Variants in TULP4 observed in about 807,000 individuals in gnomAD.
TULP4 encodes the protein tubby-related protein 4.
TULP4 carries 16 observed loss-of-function variants against 129.0 expected under a neutral mutation model. That is an observed-to-expected ratio of 0.12 (90% CI 0.08 to 0.19). The LOEUF is 0.19. Among genes scored for constraint, TULP4 ranks in the 10% least tolerant of loss-of-function variants. The pLI is 1.00. For synonymous variants in TULP4, 998 were observed against 854.0 expected (o/e 1.17, Z -2.94); for missense variants, 1,842 against 2,059.1 (o/e 0.89, Z 2.04).
intron 1 of TULP4, among the ~76,000 whole-genome samples, chr6:158,266,604 T>C (rs1778451112): frequency 6.6e-6 from 1 of 152,058 alleles, no homozygotes; most frequent in Non-Finnish European, 1.5e-5. Flanking sequence ...GCTCTACATA[T>C]CCGCAGGTTC....
chr6:158,355,105 T>C (rs1378059046), intron 1 of TULP4, among the ~76,000 whole-genome samples: 1 of 151,660 alleles, frequency 6.6e-6, no homozygotes, highest in Non-Finnish European at 1.5e-5. Context: ...AAAGTCTTGC[T>C]CTGTCACCTA....
rs749857265 is a variant in TULP4, at chr6:158,494,858, G to C, written c.1870+12G>C. The C allele has an allele frequency of 6.2e-7, 1 of 1,611,972 alleles. No homozygotes were observed. The highest frequency in any genetic ancestry group is 8.5e-7 in the Non-Finnish European group (1 of 1,178,252). The stretch of plus-strand genomic sequence containing the variant: ...CAACCTCGGTGCAGGTAAAAATCAT[G>C]TCCTCTTCTCTCATTGTCCCAGTTG... On this transcript the variant is annotated intron_variant, in intron 11 of 13. Transcript: ENST00000367097.
intron 1 of TULP4, among the ~76,000 whole-genome samples, chr6:158,240,834 TG>T (rs2128445479): frequency 6.9e-6 from 1 of 145,536 alleles, no homozygotes; most frequent in Admixed American, 6.8e-5. Context: ...CATGGCTGGC[TG>T]GGCGGGGGGG....
intron 1 of TULP4, among the ~76,000 whole-genome samples, chr6:158,333,848 C>T (rs1178724453): frequency 6.6e-6 from 1 of 151,904 alleles, no homozygotes; most frequent in Non-Finnish European, 1.5e-5. Context: ...AACTTACACG[C>T]ACAAACAGAC....
rs1268423083 is a variant in TULP4, at chr6:158,503,374, T to C, written c.3711T>C (p.Tyr1237=). 3.7e-6 allele frequency: 6 copies of C among 1,613,802 alleles called. No individual in the cohort carries two copies. The highest frequency in any genetic ancestry group is 5.1e-6 in the Non-Finnish European group (6 of 1,179,996). The change falls in exon 13 of 14, where the codon TAT becomes TAC. Residue 1237 remains tyrosine (Y), a synonymous_variant. Transcript: ENST00000367097. The surrounding 1 kb of genome is among the most constrained non-coding windows in gnomAD (Gnocchi z 4.3). ...CGCTGTACCCACCCAGCCTCTCCTA[T>C]TGCACCCTGCCCCCCATGTACCCAG... ...LQPLYPPSLS[Y]CTLPPMYPGS...
At chr6:158,422,159 A>G (rs1219999694) in intron 2 of TULP4, among the ~76,000 whole-genome samples, 1 of 152,244 alleles carries the variant, frequency 6.6e-6, no homozygotes, top group African/African-American at 2.4e-5. Context: ...GGGAAAAATG[A>G]TAAGGTAGAG....
chr6:158,387,919 A>G (rs1215046361), intron 1 of TULP4, among the ~76,000 whole-genome samples: 1 of 152,172 alleles, frequency 6.6e-6, no homozygotes, highest in Non-Finnish European at 1.5e-5. Flanking sequence ...ACTTGCCTTC[A>G]ATGAGTCTTT....
At position 158,502,651 on chromosome 6, in the gene TULP4, C is replaced by T. The variant is rs1436184540; in HGVS notation, c.2988C>T (p.Leu996=). 4.4e-6 allele frequency: 7 copies of T among 1,574,090 alleles called. No homozygotes were observed. The East Asian group carries it at 1.3e-4, about 30-fold the overall frequency. ...TLRRNNREAT[L]KMAQLADSPR... is the part of the protein sequence containing the mutation. ...GGAGGAACAACCGTGAGGCTACGCT[C>T]AAGATGGCCCAGCTGGCCGACAGCC... The change falls in exon 13 of 14, where the codon CTC becomes CTT. Residue 996 remains leucine (L), a synonymous_variant. Transcript: ENST00000367097.
At chr6:158,233,847 G>A (rs1375317378) in intron 1 of TULP4, among the ~76,000 whole-genome samples, 1 of 152,200 alleles carries the variant, frequency 6.6e-6, no homozygotes, top group Non-Finnish European at 1.5e-5. Context: ...GTTAGACGAT[G>A]TGGATTTCCT....
chr6:158,403,546 G>T (rs1777902301), intron 1 of TULP4, among the ~76,000 whole-genome samples: 1 of 152,052 alleles, frequency 6.6e-6, no homozygotes. Flanking sequence ...CTCCATGTTG[G>T]TCAGGCTGGT....
rs1452481317 is a variant in TULP4 at position 158,489,617 on chromosome 6, A to G, written c.1516A>G (p.Thr506Ala). 2 of 1,614,200 alleles carry G rather than the reference A, an allele frequency of 1.2e-6. No individual in the cohort carries two copies. Among genetic ancestry groups the G allele is most frequent in the Admixed American group, 1.7e-5 (1 of 60,028 alleles). The change falls in exon 9 of 14, where the codon ACT (threonine) becomes GCT (alanine). Residue 506 changes from threonine (T) to alanine (A), a missense_variant. This residue lies in a region of TULP4 where 456 missense variants were observed against 534.3 expected (regional missense o/e 0.85). Coordinates refer to ENST00000367097, the MANE Select transcript of TULP4 (RefSeq NM_020245.5). ...DEIYGNSLIS[T>A]VIDSCNCSDS... is the part of the protein sequence containing the mutation. ...AATCTATGGGAACAGCTTGATTTCT[A>G]CTGTGATCGACAGCTGCAACTGCTC...
intron 12 of TULP4, among the ~76,000 whole-genome samples, chr6:158,499,282 C>G (rs549593845): frequency 2.6e-5 from 4 of 152,172 alleles, no homozygotes; most frequent in African/African-American, 4.8e-5. Flanking sequence ...TCAAATCTGC[C>G]GTGTCCAGGA....
At chr6:158,481,460 T>C in intron 8 of TULP4, 171 bp downstream of exon 8, 1 of 664,012 alleles carries the variant, frequency 1.5e-6, no homozygotes, top group Non-Finnish European at 2.7e-6. Context: ...AAATGAACAG[T>C]TCTCTAAATG....
chr6:158,470,228 G>A (rs1015529737), intron 6 of TULP4, among the ~76,000 whole-genome samples: 2 of 152,224 alleles, frequency 1.3e-5, no homozygotes, highest in African/African-American at 2.4e-5. Flanking sequence ...ATGGGAGTCA[G>A]CGGCGGGTCT....
intron 1 of TULP4, chr6:158,398,504 A>G (rs1777770048): frequency 6.6e-6 from 1 of 152,286 alleles, no homozygotes; most frequent in Admixed American, 6.5e-5. Context: ...GAGCATGGGC[A>G]CTTACTCTGT....
At chr6:158,453,405 ACCCGAGAGGCAGAG>A in intron 5 of TULP4, among the ~76,000 whole-genome samples, 1 of 144,366 alleles carries the variant, frequency 6.9e-6, no homozygotes, top group South Asian at 2.3e-4. Flanking sequence ...AATGGCATGA[ACCCGAGAGGCAGAG>A]CTTGCAGTAA....
chr6:158,393,396 G>A (rs908214305), intron 1 of TULP4, among the ~76,000 whole-genome samples: 8 of 152,222 alleles, frequency 5.3e-5, no homozygotes, highest in African/African-American at 1.9e-4. Context: ...TCACCAGGCA[G>A]TGCCCCAGTG....
At chr6:158,246,023 G>GGGGGGT (rs113914160) in intron 1 of TULP4, among the ~76,000 whole-genome samples, 31 of 145,918 alleles carry the variant, frequency 2.1e-4, no homozygotes, top group South Asian at 1.1e-3. Context: ...ACCCCTTAGG[G>GGGGGGT]GTGTGTGTGT....
intron 1 of TULP4, among the ~76,000 whole-genome samples, chr6:158,392,790 A>ATTTTTTTTTTTTTTTTT (rs1554286987): frequency 2.6e-5 from 1 of 38,620 alleles, no homozygotes; most frequent in Non-Finnish European, 5.7e-5. Context: ...TTAAATTTGT[A>ATTTTTTTTTTTTTTTTT]TTTCTTTTTT....
Sources: gnomAD v4.1 joint callset for allele counts (sites outside exome capture counted in the v4.1 genomes callset) on GRCh38, gnomAD v4.1.1 for gene constraint, gnomAD v4.1.1 regional missense constraint, Gnocchi (gnomAD v3.1) non-coding constraint, MANE v1.5 for transcripts, NCBI Gene and HGNC (gene_info 2026-07-23, HGNC 2026-07-21) for gene names.